The following CRYZL1 variants were observed in gnomAD, a reference collection of about 807,000 sequenced individuals.
CRYZL1 encodes the protein ferry endosomal RAB5 effector complex subunit 4.
In CRYZL1, 34 loss-of-function variants were observed where a neutral mutation model predicts 50.6. The ratio of observed to expected loss-of-function variants is 0.67; its 90% confidence interval spans 0.51 to 0.89. CRYZL1 has a LOEUF of 0.89. Among genes scored for constraint, CRYZL1 ranks in the 40% least tolerant of loss-of-function variants. The pLI is 0.00. For synonymous variants in CRYZL1, 125 were observed against 134.3 expected, an observed-to-expected ratio of 0.93 and a Z score of 0.48; for missense variants, 354 against 402.3, an observed-to-expected ratio of 0.88 and a Z score of 1.03.
intron 6 of CRYZL1, among the ~76,000 whole-genome samples, chr21:33,610,957 C>T (rs2086866964): frequency 6.6e-6 from 1 of 151,690 alleles, no homozygotes; most frequent in Non-Finnish European, 1.5e-5. Flanking sequence ...TCTCGGACTC[C>T]TGACCTCAGG....
intron 1 of CRYZL1, among the ~76,000 whole-genome samples, chr21:33,633,463 C>A (rs559599465): frequency 5.3e-5 from 8 of 152,018 alleles, no homozygotes; most frequent in African/African-American, 1.9e-4. Context: ...GCTCTGTCGC[C>A]AGGCTGGAGG....
chr21:33,603,330 TG>T, intron 7 of CRYZL1, 73 bp downstream of exon 7: 1 of 1,543,228 alleles, frequency 6.5e-7, no homozygotes, highest in Non-Finnish European at 8.8e-7. Flanking sequence ...TATTAGCAAA[TG>T]GATGGCTCAT....
chr21:33,593,440 A>T (rs1186581034), intron 11 of CRYZL1, among the ~76,000 whole-genome samples: 1 of 152,108 alleles, frequency 6.6e-6, no homozygotes, highest in Non-Finnish European at 1.5e-5. Flanking sequence ...AAAGAATATA[A>T]ATTTACTAAT....
intron 6 of CRYZL1, among the ~76,000 whole-genome samples, chr21:33,604,730 G>C (rs768012471): frequency 2.0e-5 from 3 of 152,158 alleles, no homozygotes; most frequent in Admixed American, 6.5e-5. Context: ...ACCTTCATTT[G>C]CTTACCCATT....
At chr21:33,620,515 TAA>T (rs1216346840) in intron 4 of CRYZL1, among the ~76,000 whole-genome samples, 6 of 144,198 alleles carry the variant, frequency 4.2e-5, no homozygotes, top group African/African-American at 2.5e-5. Flanking sequence ...TCTTTTCAAT[TAA>T]AAAAAAAAAG....
intron 6 of CRYZL1, among the ~76,000 whole-genome samples, chr21:33,611,360 GA>G (rs2086871658): frequency 6.6e-6 from 1 of 151,972 alleles, no homozygotes; most frequent in African/African-American, 2.4e-5. Context: ...TCAGATCTCT[GA>G]AAAAGTGTCT....
chr21:33,609,255 TC>T (rs1033753560), intron 6 of CRYZL1, among the ~76,000 whole-genome samples: 4 of 152,146 alleles, frequency 2.6e-5, no homozygotes, highest in African/African-American at 9.7e-5. Context: ...ATCAACATTT[TC>T]CCCCAGTCTG....
intron 1 of CRYZL1, among the ~76,000 whole-genome samples, chr21:33,635,842 G>A (rs1280972036): frequency 6.6e-6 from 1 of 151,820 alleles, no homozygotes; most frequent in African/African-American, 2.4e-5. Context: ...TTAGCTGGGC[G>A]TGGTGGCGTA....
intron 1 of CRYZL1, among the ~76,000 whole-genome samples, chr21:33,637,747 C>T (rs917379342): frequency 7.4e-5 from 10 of 135,654 alleles, no homozygotes; most frequent in Non-Finnish European, 1.4e-4. Context: ...TAAACAGCTA[C>T]ACAAGAGAAA....
Position 33,589,342 on chromosome 21 carries a change from T to G in CRYZL1, c.*480A>C, listed in dbSNP as rs988188069. 10 of 160,266 alleles carry G rather than the reference T, an allele frequency of 6.2e-5. No individual in the cohort carries two copies. Among genetic ancestry groups the G allele is most frequent in the Non-Finnish European group, 1.2e-4 (9 of 73,940 alleles). The allele number at this position is 160,266 out of a possible 1,614,324, so 9.9% of individuals were successfully genotyped here. A position where few individuals can be genotyped will look rare whatever the true frequency, so the allele number is the denominator to read the frequency against. The stretch of plus-strand genomic sequence containing the variant: ...GAATGAATAGTTGAAAACACAAAAT[T>G]TAAGTGCCTATGGGCTAAGTCTTTT... On this transcript the variant is annotated 3_prime_UTR_variant, in exon 13 of 13. Transcript: ENST00000381554.
chr21:33,613,444 C>A (rs1025132961), intron 6 of CRYZL1, 94 bp downstream of exon 6: 14 of 857,414 alleles, frequency 1.6e-5, no homozygotes, highest in Non-Finnish European at 3.8e-6. Context: ...AAGTACAACA[C>A]TTATGGTAGA....
chr21:33,606,495 A>C (rs2086816178), intron 6 of CRYZL1, among the ~76,000 whole-genome samples: 1 of 151,694 alleles, frequency 6.6e-6, no homozygotes, highest in African/African-American at 2.4e-5. Flanking sequence ...GCATGGTGGC[A>C]GGCACCTGTA....
chr21:33,608,828 A>T (rs2086840437), intron 6 of CRYZL1, among the ~76,000 whole-genome samples: 1 of 152,214 alleles, frequency 6.6e-6, no homozygotes, highest in Non-Finnish European at 1.5e-5. Flanking sequence ...TGAATATGGG[A>T]GTGCAAGACA....
intron 6 of CRYZL1, among the ~76,000 whole-genome samples, chr21:33,608,411 C>T (rs943590236): frequency 2.6e-5 from 4 of 152,182 alleles, no homozygotes; most frequent in African/African-American, 9.7e-5. Context: ...GCCGAGATCA[C>T]GCCATTGCAC....
rs181007723 is a variant in CRYZL1 at position 33,604,171 on chromosome 21, C to T, written c.332-634G>A. The stretch of plus-strand genomic sequence containing the variant: ...TCACGAGCTCAGGAGATCGAGACCA[C>T]GGTGAAACCCCGTCTCTACTGAAAA... On this transcript the variant is annotated intron_variant, in intron 6 of 12. Coordinates refer to ENST00000381554, the MANE Select transcript of CRYZL1 (RefSeq NM_145858.3). Among the ~76,000 whole-genome samples, 102 of 151,720 alleles carry T rather than the reference C, an allele frequency of 6.7e-4. No homozygotes were observed. The South Asian group carries it at 0.013, about 20-fold the overall frequency.
intron 1 of CRYZL1, 124 bp from the exon 2 acceptor site, chr21:33,631,681 T>C (rs35694214): frequency 0.01 from 5,187 of 514,890 alleles, 44 homozygotes; most frequent in Non-Finnish European, 0.013. Flanking sequence ...TTCAAATAAG[T>C]AAATTTAAAA....
intron 9 of CRYZL1, 94 bp downstream of exon 9, chr21:33,599,056 A>G (rs1014276676): frequency 1.2e-5 from 12 of 1,040,886 alleles, no homozygotes; most frequent in East Asian, 2.5e-5. Context: ...TGGTTTAATA[A>G]GTGCATTAAT....
chr21:33,613,991 A>T (rs2086900412), intron 5 of CRYZL1, among the ~76,000 whole-genome samples: 1 of 151,808 alleles, frequency 6.6e-6, no homozygotes, highest in Admixed American at 6.6e-5. Flanking sequence ...GCCAACATGG[A>T]GAAACCCTGT....
At chr21:33,607,936 A>G (rs1237817516) in intron 6 of CRYZL1, among the ~76,000 whole-genome samples, 2 of 152,162 alleles carry the variant, frequency 1.3e-5, no homozygotes, top group Non-Finnish European at 2.9e-5. Flanking sequence ...AAACATTGTA[A>G]ATTGACAAGT....
Sources: allele counts gnomAD v4.1 joint callset (sites outside exome capture counted in the v4.1 genomes callset), GRCh38; gene constraint gnomAD v4.1.1; transcripts MANE v1.5; gene names NCBI Gene and HGNC (gene_info 2026-07-23, HGNC 2026-07-21).